ZSCAN1: variants seen among roughly 807,000 people sequenced by gnomAD.
ZSCAN1 encodes the protein zinc finger and SCAN domain-containing protein 1.
A neutral mutation model predicts 23.8 loss-of-function variants in ZSCAN1; 23 were observed. The ratio of observed to expected loss-of-function variants is 0.97; its 90% confidence interval spans 0.70 to 1.37. ZSCAN1 has a LOEUF of 1.37. Ranked by LOEUF, ZSCAN1 falls within the 40% of genes most tolerant of loss-of-function variation. The pLI is 0.00. For missense variants in ZSCAN1, 575 were observed against 554.0 expected (o/e 1.04, Z -0.38); for synonymous variants, 236 against 232.3 (o/e 1.02, Z -0.15).
At chr19:58,055,200 C>A (rs573146973), downstream of ZSCAN1, among the ~76,000 whole-genome samples, 183 of 152,358 alleles carry the variant, frequency 1.2e-3, 1 homozygote, top group African/African-American at 4.1e-3. Flanking sequence ...AATCAAAAGC[C>A]TTTGGACTTA....
Position 58,045,682 on chromosome 19 carries a change from A to G in ZSCAN1, c.465+5138A>G. ...GGAAGGGGTGGACAGCCTGAACGTC[A>G]AGGAGCTGCAGGCGGCATGTCGGGC... On this transcript the variant is annotated intron_variant, in intron 4 of 5. Transcript: ENST00000282326. The surrounding 1 kb of genome is among the most constrained non-coding windows in gnomAD (Gnocchi z 4.3). 1 of 926,986 alleles carries G rather than the reference A, an allele frequency of 1.1e-6. No homozygotes were observed. Among genetic ancestry groups the G allele is most frequent in the Non-Finnish European group, 1.8e-6 (1 of 557,164 alleles). 57.4% of individuals were successfully genotyped at this position (926,986 alleles called of 1,614,324 possible).
chr19:58,052,285 G>A (rs1252377129), intron 4 of ZSCAN1, among the ~76,000 whole-genome samples: 3 of 152,248 alleles, frequency 2.0e-5, no homozygotes, highest in Non-Finnish European at 4.4e-5. Flanking sequence ...GTCTTGCTGT[G>A]TTGCCCAGGC....
Position 58,054,097 on chromosome 19 carries a change from G to A in ZSCAN1, c.*46G>A. 6.9e-7 allele frequency: 1 copy of A among 1,441,558 alleles called. No individual in the cohort carries two copies. Among genetic ancestry groups the A allele is most frequent in the Non-Finnish European group, 9.1e-7 (1 of 1,099,504 alleles). 89.3% of individuals were successfully genotyped at this position (1,441,558 alleles called of 1,614,324 possible). ...GCCACCCGGCCCTGAGTCCCTGGGG[G>A]GAGCTGATGGGCCCCAGAAGATGGG... is the stretch of plus-strand genomic sequence containing the variant. On this transcript the variant is annotated 3_prime_UTR_variant, in exon 6 of 6. Transcript: ENST00000282326. This position sits in a 1 kb window ranked among gnomAD's most constrained non-coding sequence, Gnocchi z 4.2.
At chr19:58,037,705 T>A in intron 2 of ZSCAN1, 23 bp from the exon 3 acceptor site, 2 of 1,190,234 alleles carry the variant, frequency 1.7e-6, no homozygotes. Context: ...ATGTGACCCC[T>A]CTGTCCCTGC....
In ZSCAN1 at chr19:58,038,247, G is replaced by C. The variant is rs768650179; in HGVS notation, c.370+41G>C. 7 of 1,566,298 alleles carry C rather than the reference G, an allele frequency of 4.5e-6. No individual in the cohort carries two copies. The East Asian group carries it at 1.6e-4, about 37-fold the overall frequency. On this transcript the variant is annotated intron_variant, in intron 3 of 5. Coordinates refer to ENST00000282326, the MANE Select transcript of ZSCAN1 (RefSeq NM_182572.4). Reference sequence around the variant, plus strand: ...TTCCTGCCCCGGGCCGGGCCAGGGGGCCTGACGTCTCCGAGGACCGAACTG... The same window carrying C: ...TTCCTGCCCCGGGCCGGGCCAGGGGCCCTGACGTCTCCGAGGACCGAACTG...
In ZSCAN1 at chr19:58,045,843, C is replaced by A; in HGVS notation, c.465+5299C>A. On this transcript the variant is annotated intron_variant, in intron 4 of 5. Transcript: ENST00000282326. This position sits in a 1 kb window ranked among gnomAD's most constrained non-coding sequence, Gnocchi z 4.3. Reference sequence around the variant, plus strand: ...CCCGGACCATGTAGCTCCCGGACACCCTCTTGCCAGCCGACCAGCTCAAGT... The same window carrying A: ...CCCGGACCATGTAGCTCCCGGACACACTCTTGCCAGCCGACCAGCTCAAGT... The A allele has an allele frequency of 8.1e-7, 1 of 1,234,330 alleles. No homozygotes were observed. The highest frequency in any genetic ancestry group is 1.2e-6 in the Non-Finnish European group (1 of 833,754). The allele number at this position is 1,234,330 out of a possible 1,614,324, so 76.5% of individuals were successfully genotyped here.
intron 1 of ZSCAN1, chr19:58,035,313 A>G (rs2073727161): frequency 6.5e-6 from 1 of 153,014 alleles, no homozygotes; most frequent in South Asian, 2.1e-4. Flanking sequence ...AGGTACCCCC[A>G]CATTGGCCTA....
chr19:58,038,678 C>T (rs1280587788), intron 3 of ZSCAN1, among the ~76,000 whole-genome samples: 1 of 152,272 alleles, frequency 6.6e-6, no homozygotes, highest in African/African-American at 2.4e-5. Flanking sequence ...TGAAACTGGG[C>T]TCCCTCCCTG....
chr19:58,047,106 G>A lies in ZSCAN1; in HGVS notation c.466-5384G>A, dbSNP rs2073831395. 2.0e-5 allele frequency among the ~76,000 whole-genome samples: 3 copies of A among 152,200 alleles called. No homozygotes were observed. In the South Asian group the frequency reaches 6.2e-4, roughly 32 times the overall value. ...ACTGTGCTGCCCTGTGCCCAGGGAG[G>A]AGAATGAGGACCACATGGACTCTGC... On this transcript the variant is annotated intron_variant, in intron 4 of 5. Transcript: ENST00000282326. The surrounding 1 kb of genome is among the most constrained non-coding windows in gnomAD (Gnocchi z 4.9).
At chr19:58,044,482 A>G (rs1592995) in intron 4 of ZSCAN1, 333,955 of 378,578 alleles carry the variant, frequency 0.88, 149,545 homozygotes, top group African/African-American at 0.94. Flanking sequence ...AACCGTCCGC[A>G]CGGACGGCGC....
At position 58,054,044 on chromosome 19, in the gene ZSCAN1, A is replaced by G. The variant is rs1376483249; in HGVS notation, c.1220A>G (p.His407Arg). 1 of 1,512,136 alleles carries G rather than the reference A, an allele frequency of 6.6e-7. No individual in the cohort carries two copies. The allele number at this position is 1,512,136 out of a possible 1,614,324, so 93.7% of individuals were successfully genotyped here. ...DHQKLHTAHG[H>R]M is the part of the protein sequence containing the mutation. ...CAGAAGCTCCACACGGCCCACGGCC[A>G]CATGTGAATGGCCAGCCTCGGGCCT... The change falls in exon 6 of 6, where the codon CAC becomes CGC. Residue 407 changes from histidine to arginine, a missense_variant. Coordinates refer to ENST00000282326, the MANE Select transcript of ZSCAN1 (RefSeq NM_182572.4). This position sits in a 1 kb window ranked among gnomAD's most constrained non-coding sequence, Gnocchi z 4.2.
At chr19:58,055,293 G>A (rs1189085785), downstream of ZSCAN1, among the ~76,000 whole-genome samples, 3 of 151,998 alleles carry the variant, frequency 2.0e-5, no homozygotes, top group African/African-American at 4.8e-5. Context: ...CTCTCGGGCT[G>A]TGCAGGTCCC....
At chr19:58,046,094 C>G in intron 4 of ZSCAN1, 1 of 686,200 alleles carries the variant, frequency 1.5e-6, no homozygotes, top group Admixed American at 2.3e-5. Context: ...GGGGCCCAGC[C>G]CCAGCCAGAA....
rs942904576 is a variant in ZSCAN1 at position 58,049,585 on chromosome 19, T to C, written c.466-2905T>C. On this transcript the variant is annotated intron_variant, in intron 4 of 5. Coordinates refer to ENST00000282326, the MANE Select transcript of ZSCAN1 (RefSeq NM_182572.4). This position sits in a 1 kb window ranked among gnomAD's most constrained non-coding sequence, Gnocchi z 4.5. Reference sequence around the variant, plus strand: ...AGATCACTGTGGTGTGTGTGGTCCATTGTTGACTGAAACACCATTACCCCA... The same window carrying C: ...AGATCACTGTGGTGTGTGTGGTCCACTGTTGACTGAAACACCATTACCCCA... 1.3e-5 allele frequency among the ~76,000 whole-genome samples: 2 copies of C among 152,124 alleles called. No homozygotes were observed. The highest frequency in any genetic ancestry group is 1.5e-5 in the Non-Finnish European group (1 of 68,038).
chr19:58,053,419 C>T lies in ZSCAN1; in HGVS notation c.605-10C>T, dbSNP rs373533895. The T allele has an allele frequency of 6.2e-7, 1 of 1,601,880 alleles. No homozygotes were observed. The highest frequency in any genetic ancestry group is 1.3e-5 in the African/African-American group (1 of 74,812). ...CACTACAGGTGACCCATCTCCCTCG[C>T]CCTCCACAGGGTCCCGGGCCCGCTT... On this transcript the variant is annotated splice_polypyrimidine_tract_variant and intron_variant, in intron 5 of 5. Coordinates refer to ENST00000282326, the MANE Select transcript of ZSCAN1 (RefSeq NM_182572.4). The surrounding 1 kb of genome is among the most constrained non-coding windows in gnomAD (Gnocchi z 5.8).
chr19:58,049,944 G>T lies in ZSCAN1; in HGVS notation c.466-2546G>T, dbSNP rs79192210. 0.024 allele frequency among the ~76,000 whole-genome samples: 3,661 copies of T among 152,270 alleles called. 59 individuals carry two copies. The highest frequency in any genetic ancestry group is 0.043 in the Non-Finnish European group (2,912 of 68,018). ...CACTTTACTCCACTGTGTTGCTGCA[G>T]ATCTTCAATGGGTCCTTGAGCGTTC... On this transcript the variant is annotated intron_variant, in intron 4 of 5. Transcript: ENST00000282326. This position sits in a 1 kb window ranked among gnomAD's most constrained non-coding sequence, Gnocchi z 4.5.
intron 4 of ZSCAN1, among the ~76,000 whole-genome samples, chr19:58,051,035 C>T (rs530664403): frequency 5.9e-5 from 9 of 152,268 alleles, no homozygotes; most frequent in South Asian, 2.1e-4. Context: ...GATAGGGCCC[C>T]GGGAATGTCT....
intron 4 of ZSCAN1, chr19:58,046,590 T>C (rs2123434123): frequency 2.4e-6 from 2 of 840,904 alleles, no homozygotes; most frequent in East Asian, 4.8e-5. Context: ...CAGCACTGAA[T>C]GAAAATAAGG....
At chr19:58,043,653 T>C (rs1434507883) in intron 4 of ZSCAN1, among the ~76,000 whole-genome samples, 1 of 110,852 alleles carries the variant, frequency 9.0e-6, no homozygotes, top group African/African-American at 3.0e-5. Context: ...TGCTTTACAT[T>C]TTTTTTTTCT....
Sources: gnomAD v4.1 joint callset for allele counts (sites outside exome capture counted in the v4.1 genomes callset) on GRCh38, gnomAD v4.1.1 for gene constraint, Gnocchi (gnomAD v3.1) non-coding constraint, MANE v1.5 for transcripts, NCBI Gene and HGNC (gene_info 2026-07-23, HGNC 2026-07-21) for gene names.